The following CDH13 variants were observed in gnomAD, a reference collection of about 807,000 sequenced individuals.
CDH13 encodes the protein cadherin-13.
In CDH13, 24 loss-of-function variants were observed where a neutral mutation model predicts 63.8. That is an observed-to-expected ratio of 0.38 (90% CI 0.27 to 0.53). CDH13 has a LOEUF of 0.53. CDH13 is among the 20% of genes least tolerant of loss of function. CDH13 has a pLI of 0.85. For synonymous variants in CDH13, 503 were observed against 355.3 expected, an observed-to-expected ratio of 1.42 and a Z score of -4.67; for missense variants, 1,049 against 903.1, an observed-to-expected ratio of 1.16 and a Z score of -2.07.
rs184916175 is a variant in CDH13, at chr16:83,624,305, C to T, written c.1101+21711C>T. Among the ~76,000 whole-genome samples the T allele has an allele frequency of 4.6e-5, 7 of 151,136 alleles. No homozygotes were observed. The South Asian group carries it at 6.3e-4, about 14-fold the overall frequency. On this transcript the variant is annotated intron_variant, in intron 8 of 13. Transcript: ENST00000567109. ...TCTGGGTCACAGTACCCCCTCAGAC[C>T]GGGCATTGATTCCCAGGAAATGATG...
chr16:82,901,324 C>CTGTGTGTTTGTG (rs2041459914), intron 2 of CDH13, among the ~76,000 whole-genome samples: 1 of 130,416 alleles, frequency 7.7e-6, no homozygotes, highest in Admixed American at 7.7e-5. Flanking sequence ...TAGTATTCTC[C>CTGTGTGTTTGTG]TGTGTGTGTG....
At chr16:82,928,736 A>T (rs1005993745) in intron 2 of CDH13, among the ~76,000 whole-genome samples, 2 of 152,258 alleles carry the variant, frequency 1.3e-5, no homozygotes, top group African/African-American at 4.8e-5. Flanking sequence ...TAAATACTAA[A>T]GTAAGAGCAG....
intron 6 of CDH13, among the ~76,000 whole-genome samples, chr16:83,466,385 C>T (rs150729559): frequency 4.6e-5 from 7 of 152,248 alleles, no homozygotes; most frequent in South Asian, 2.1e-4. Flanking sequence ...ACATTAGAAC[C>T]GCCTTATATA....
At chr16:83,587,319 A>G (rs1197035976) in intron 7 of CDH13, among the ~76,000 whole-genome samples, 1 of 152,204 alleles carries the variant, frequency 6.6e-6, no homozygotes, top group Non-Finnish European at 1.5e-5. Context: ...GACCATTAAC[A>G]TGCAAAGGAC....
chr16:82,723,344 C>G (rs917974859), intron 1 of CDH13, among the ~76,000 whole-genome samples: 1 of 152,214 alleles, frequency 6.6e-6, no homozygotes, highest in East Asian at 1.9e-4. Context: ...TTTATTGAAC[C>G]TTTTTGTGGG....
At position 83,634,819 on chromosome 16, in the gene CDH13, T is replaced by G. The variant is rs1404092158; in HGVS notation, c.1101+32225T>G. Among the ~76,000 whole-genome samples, 9 of 152,332 alleles carry G rather than the reference T, an allele frequency of 5.9e-5. No individual in the cohort carries two copies. The East Asian group carries it at 1.7e-3, about 29-fold the overall frequency. On this transcript the variant is annotated intron_variant, in intron 8 of 13. Coordinates refer to ENST00000567109, the MANE Select transcript of CDH13 (RefSeq NM_001257.5). Reference sequence around the variant, plus strand: ...ATTCCATGGTATGGTATGCCAGAGTTCGTTGAACCATTCACCCACTGAAGG... The same window carrying G: ...ATTCCATGGTATGGTATGCCAGAGTGCGTTGAACCATTCACCCACTGAAGG...
intron 1 of CDH13, among the ~76,000 whole-genome samples, chr16:82,684,309 AG>A (rs1282217584): frequency 6.6e-6 from 1 of 152,182 alleles, no homozygotes; most frequent in Non-Finnish European, 1.5e-5. Context: ...TTACCCTTTA[AG>A]GGCCCCTATG....
intron 6 of CDH13, among the ~76,000 whole-genome samples, chr16:83,479,589 G>A (rs1013273393): frequency 1.3e-4 from 20 of 152,034 alleles, no homozygotes; most frequent in Non-Finnish European, 2.6e-4. Flanking sequence ...CCCGGGAGGC[G>A]GAGCTTGCAG....
chr16:83,667,019 AT>A (rs1914030636), intron 8 of CDH13, among the ~76,000 whole-genome samples: 1 of 149,834 alleles, frequency 6.7e-6, no homozygotes, highest in South Asian at 2.1e-4. Context: ...GGATGGATGG[AT>A]GGATGGATGG....
chr16:82,894,382 C>T (rs1413696612), intron 2 of CDH13, among the ~76,000 whole-genome samples: 1 of 152,206 alleles, frequency 6.6e-6, no homozygotes, highest in East Asian at 1.9e-4. Flanking sequence ...TGGCTCAAGC[C>T]TGTAATCCCA....
intron 6 of CDH13, among the ~76,000 whole-genome samples, chr16:83,484,068 T>C (rs1170491622): frequency 2.0e-5 from 3 of 152,146 alleles, no homozygotes; most frequent in Non-Finnish European, 4.4e-5. Context: ...GATGGCACCA[T>C]TGGTGAAAAT....
rs561704753 is a variant in CDH13 at position 83,243,552 on chromosome 16, A to G, written c.636+26055A>G. On this transcript the variant is annotated intron_variant, in intron 5 of 13. Transcript: ENST00000567109. ...GAGATTTGGGTGGGGACACAGCCAA[A>G]TCATATCAATGGCTAAGACTCCATC... is the stretch of plus-strand genomic sequence containing the variant. Among the ~76,000 whole-genome samples, 16 of 152,282 alleles carry G rather than the reference A, an allele frequency of 1.1e-4. No individual in the cohort carries two copies. In the South Asian group the frequency reaches 2.7e-3, roughly 26 times the overall value.
At chr16:82,795,730 T>C (rs1380084292) in intron 1 of CDH13, among the ~76,000 whole-genome samples, 2 of 152,152 alleles carry the variant, frequency 1.3e-5, no homozygotes, top group Non-Finnish European at 2.9e-5. Flanking sequence ...AGCTCACTTC[T>C]GAGCTCTGGA....
chr16:82,732,254 T>G (rs541110659), intron 1 of CDH13, among the ~76,000 whole-genome samples: 30 of 152,272 alleles, frequency 2.0e-4, no homozygotes, highest in Non-Finnish European at 4.1e-4. Flanking sequence ...TGTTTGTAGC[T>G]GAACTGAATT....
intron 2 of CDH13, among the ~76,000 whole-genome samples, chr16:82,921,933 A>G (rs2042168451): frequency 6.6e-6 from 1 of 151,990 alleles, no homozygotes; most frequent in African/African-American, 2.4e-5. Context: ...TATTATTATT[A>G]TTTGTTTTTA....
chr16:82,627,273 G>C, intron 1 of CDH13, 136 bp downstream of exon 1: 1 of 741,540 alleles, frequency 1.3e-6, no homozygotes, highest in East Asian at 2.7e-5. Context: ...GGGCTCGGTA[G>C]GGAGGTCATT....
At chr16:82,817,796 C>A (rs2037796911) in intron 1 of CDH13, among the ~76,000 whole-genome samples, 1 of 152,136 alleles carries the variant, frequency 6.6e-6, no homozygotes, top group Non-Finnish European at 1.5e-5. Flanking sequence ...CAGAGTGAGA[C>A]TCCATCTCAA....
In CDH13 at chr16:83,537,078, A is replaced by G. The variant is rs576979497; in HGVS notation, c.960+50423A>G. On this transcript the variant is annotated intron_variant, in intron 7 of 13. Transcript: ENST00000567109. ...GAATGGCAGCTGTGGGGATTCGAGC[A>G]ACAAGAATGACTTGCAGAAGTGATG... Among the ~76,000 whole-genome samples, 35 of 152,380 alleles carry G rather than the reference A, an allele frequency of 2.3e-4. No homozygotes were observed. In the Middle Eastern group the frequency reaches 0.01, roughly 44 times the overall value.
chr16:83,711,732 G>A (rs752456726), intron 10 of CDH13, among the ~76,000 whole-genome samples: 1 of 152,116 alleles, frequency 6.6e-6, no homozygotes, highest in Non-Finnish European at 1.5e-5. Context: ...GGCCAGGCTG[G>A]TCTCGAACTC....
Sources: allele counts gnomAD v4.1 joint callset (sites outside exome capture counted in the v4.1 genomes callset), GRCh38; gene constraint gnomAD v4.1.1; transcripts MANE v1.5; gene names NCBI Gene and HGNC (gene_info 2026-07-23, HGNC 2026-07-21).